Variants in RBFOX1 observed in about 807,000 individuals in gnomAD.
RBFOX1 encodes the protein RNA binding protein fox-1 homolog 1.
A neutral mutation model predicts 57.7 loss-of-function variants in RBFOX1; 8 were observed. The ratio of observed to expected loss-of-function variants is 0.14; its 90% confidence interval spans 0.08 to 0.25. RBFOX1 has a LOEUF of 0.25. Among genes scored for constraint, RBFOX1 ranks in the 10% least tolerant of loss-of-function variants. RBFOX1 has a pLI of 1.00. For synonymous variants in RBFOX1, 326 were observed against 222.4 expected (o/e 1.47, Z -4.15); for missense variants, 611 against 548.5 (o/e 1.11, Z -1.14).
intron 3 of RBFOX1, among the ~76,000 whole-genome samples, chr16:6,872,468 A>G (rs2061101374): frequency 6.6e-6 from 1 of 152,188 alleles, no homozygotes; most frequent in African/African-American, 2.4e-5. Context: ...AAACAGCTGA[A>G]TTAGCCCCTT....
At chr16:6,676,942 C>G (rs943007500) in intron 3 of RBFOX1, among the ~76,000 whole-genome samples, 1 of 152,000 alleles carries the variant, frequency 6.6e-6, no homozygotes, top group Non-Finnish European at 1.5e-5. Context: ...TCCCAAAGTG[C>G]TGGGATTACA....
Position 5,369,057 on chromosome 16 carries a change from A to G in RBFOX1, c.220-98159A>G. On this transcript the variant is annotated intron_variant, in intron 1 of 2. Transcript: ENST00000585867. ...TGCTCTGTTGCCCAGGCTGGAGTGC[A>G]GTGGCGCCATCTTGGTTCACTGCAG... Among the ~76,000 whole-genome samples, 2 of 152,170 alleles carry G rather than the reference A, an allele frequency of 1.3e-5. 1 individual carries two copies. The highest frequency in any genetic ancestry group is 3.9e-4 in the East Asian group (2 of 5,188).
chr16:6,595,366 C>A (rs1306666229), intron 2 of RBFOX1, among the ~76,000 whole-genome samples: 1 of 152,154 alleles, frequency 6.6e-6, no homozygotes, highest in Non-Finnish European at 1.5e-5. Context: ...CAAGGGCCAT[C>A]AATGTTGTAC....
intron 11 of RBFOX1, among the ~76,000 whole-genome samples, chr16:7,650,173 A>C (rs2064706542): frequency 6.6e-6 from 1 of 152,176 alleles, no homozygotes; most frequent in Non-Finnish European, 1.5e-5. Flanking sequence ...TTCTAACTAG[A>C]GATTTCACGA....
chr16:6,191,457 G>GAAGTGATATTTATCATGAT (rs2097141399), intron 1 of RBFOX1, among the ~76,000 whole-genome samples: 1 of 152,108 alleles, frequency 6.6e-6, no homozygotes, highest in African/African-American at 2.4e-5. Context: ...TGTGCAACAG[G>GAAGTGATATTTATCATGAT]AAGTGATATT....
At chr16:7,422,157 CGTGTGCGTGT>C (rs1180090623) in intron 4 of RBFOX1, among the ~76,000 whole-genome samples, 1 of 152,070 alleles carries the variant, frequency 6.6e-6, no homozygotes, top group African/African-American at 2.4e-5. Flanking sequence ...TGTTTGTGTA[CGTGTGCGTGT>C]GTGTGCGTGT....
intron 1 of RBFOX1, among the ~76,000 whole-genome samples, chr16:5,271,441 C>T (rs944078886): frequency 3.3e-5 from 5 of 152,234 alleles, no homozygotes; most frequent in African/African-American, 1.2e-4. Flanking sequence ...CTGGGTATCC[C>T]CTAGGGATCC....
intron 4 of RBFOX1, among the ~76,000 whole-genome samples, chr16:7,199,671 A>G (rs1204057036): frequency 2.0e-5 from 3 of 152,178 alleles, no homozygotes; most frequent in Non-Finnish European, 2.9e-5. Flanking sequence ...AGGCAGACCA[A>G]TCATTTGAGG....
intron 3 of RBFOX1, among the ~76,000 whole-genome samples, chr16:6,895,433 T>TGC (rs2066548056): frequency 1.3e-5 from 1 of 76,800 alleles, no homozygotes; most frequent in Non-Finnish European, 2.9e-5. Context: ...TGTGTGTGTG[T>TGC]GTGTGTGTGT....
At chr16:7,509,965 G>GTT (rs1247824112) in intron 4 of RBFOX1, among the ~76,000 whole-genome samples, 2 of 55,932 alleles carry the variant, frequency 3.6e-5, no homozygotes, top group African/African-American at 1.2e-4. Context: ...TCGAGCAGTG[G>GTT]GTTTTTTTTT....
At position 7,664,985 on chromosome 16, in the gene RBFOX1, G is replaced by T. The variant is rs77347896; in HGVS notation, c.930+17G>T. 6.2e-7 allele frequency: 1 copy of T among 1,613,848 alleles called. No individual in the cohort carries two copies. The highest frequency in any genetic ancestry group is 1.7e-5 in the Admixed American group (1 of 60,002). The stretch of plus-strand genomic sequence containing the variant: ...GACATTTATGTAAGTATTCATTCAC[G>T]TGCATGCCATCCCCGTTTCCTCCTG... On this transcript the variant is annotated intron_variant, in intron 13 of 15. Coordinates refer to ENST00000550418, the MANE Select transcript of RBFOX1 (RefSeq NM_018723.4).
At chr16:7,344,311 A>G (rs1173689611) in intron 4 of RBFOX1, among the ~76,000 whole-genome samples, 1 of 150,422 alleles carries the variant, frequency 6.6e-6, no homozygotes, top group East Asian at 1.9e-4. Context: ...AGTCAGGGCT[A>G]AAAAAAACTG....
intron 4 of RBFOX1, among the ~76,000 whole-genome samples, chr16:7,432,553 A>G (rs1239731638): frequency 6.6e-6 from 1 of 152,170 alleles, no homozygotes; most frequent in African/African-American, 2.4e-5. Context: ...AGAGAGTAAC[A>G]CTTTTAAGCT....
At chr16:6,710,523 C>G (rs2063533945) in intron 3 of RBFOX1, among the ~76,000 whole-genome samples, 1 of 152,208 alleles carries the variant, frequency 6.6e-6, no homozygotes, top group Non-Finnish European at 1.5e-5. Context: ...TACTCAGAAC[C>G]TCAAAAGGTG....
intron 11 of RBFOX1, among the ~76,000 whole-genome samples, chr16:7,643,810 C>T (rs556206799): frequency 6.6e-6 from 1 of 152,128 alleles, no homozygotes; most frequent in African/African-American, 2.4e-5. Flanking sequence ...CAGGGCCTTT[C>T]CAGGTGTCTT....
intron 4 of RBFOX1, among the ~76,000 whole-genome samples, chr16:7,117,064 A>G (rs1428942516): frequency 6.6e-6 from 1 of 152,172 alleles, no homozygotes; most frequent in Non-Finnish European, 1.5e-5. Context: ...AACATCAGCT[A>G]TAAATACTCA....
chr16:7,664,224 C>T (rs1434609098), intron 12 of RBFOX1, among the ~76,000 whole-genome samples: 2 of 152,230 alleles, frequency 1.3e-5, no homozygotes, highest in African/African-American at 4.8e-5. Context: ...CATTCCTGCA[C>T]TTGTCCATAT....
At chr16:7,451,395 T>C (rs910187087) in intron 4 of RBFOX1, among the ~76,000 whole-genome samples, 4 of 152,186 alleles carry the variant, frequency 2.6e-5, no homozygotes, top group Non-Finnish European at 1.5e-5. Context: ...AATCCAAGTA[T>C]TTCAACCTGG....
chr16:6,986,757 G>C (rs2090378091), intron 3 of RBFOX1, among the ~76,000 whole-genome samples: 2 of 151,996 alleles, frequency 1.3e-5, no homozygotes, highest in Admixed American at 6.6e-5. Context: ...AGGTGGTCTG[G>C]ATGCCAGTTG....
Sources: gnomAD v4.1 joint callset for allele counts (sites outside exome capture counted in the v4.1 genomes callset) on GRCh38, gnomAD v4.1.1 for gene constraint, MANE v1.5 for transcripts, NCBI Gene and HGNC (gene_info 2026-07-23, HGNC 2026-07-21) for gene names.